NR3C2: variants seen among roughly 807,000 people sequenced by gnomAD.
NR3C2 encodes mineralocorticoid receptor.
Under a neutral mutation model 86.4 loss-of-function variants are expected in NR3C2, and 15 were observed. That is an observed-to-expected ratio of 0.17 (90% CI 0.12 to 0.27). The LOEUF is 0.27. Among genes scored for constraint, NR3C2 ranks in the 10% least tolerant of loss-of-function variants. The probability of loss-of-function intolerance (pLI) is 1.00; values close to 1 mark genes in which losing one functional copy is unlikely to be tolerated. For missense variants in NR3C2, 960 were observed against 1,195.6 expected (o/e 0.80, Z 2.91); for synonymous variants, 458 against 450.5 (o/e 1.02, Z -0.21).
chr4:148,130,823 T>TGTTTTGTTTTGTTTTG (rs201153191), intron 6 of NR3C2, among the ~76,000 whole-genome samples: 1 of 93,570 alleles, frequency 1.1e-5, no homozygotes, highest in Non-Finnish European at 2.4e-5. Context: ...TGTTTTGTTT[T>TGTTTTGTTTTGTTTTG]TTTTTTTTTT....
intron 3 of NR3C2, chr4:148,207,972 C>T (rs976901154): frequency 6.6e-6 from 1 of 152,134 alleles, no homozygotes; most frequent in Non-Finnish European, 1.5e-5. Context: ...TCTTATTATA[C>T]TACACTTACC....
chr4:148,358,137 C>T (rs1745639860), intron 2 of NR3C2, among the ~76,000 whole-genome samples: 1 of 152,076 alleles, frequency 6.6e-6, no homozygotes, highest in African/African-American at 2.4e-5. Flanking sequence ...ACCCAAAGGA[C>T]TATAAATTAT....
chr4:148,103,275 A>G (rs1731625103), intron 8 of NR3C2, among the ~76,000 whole-genome samples: 1 of 152,034 alleles, frequency 6.6e-6, no homozygotes, highest in Admixed American at 6.5e-5. Flanking sequence ...TTTTCAATCC[A>G]GTTTAGGTGT....
chr4:148,092,197 C>A (rs943120354), intron 8 of NR3C2, among the ~76,000 whole-genome samples: 25 of 152,332 alleles, frequency 1.6e-4, no homozygotes, highest in African/African-American at 5.8e-4. Context: ...TCCTGGGGCC[C>A]AGCCTGAAGG....
chr4:148,266,630 C>A (rs929530369), intron 2 of NR3C2, among the ~76,000 whole-genome samples: 7 of 152,190 alleles, frequency 4.6e-5, no homozygotes, highest in African/African-American at 1.7e-4. Context: ...TATTGTCCTG[C>A]ATGCCATCAG....
intron 2 of NR3C2, among the ~76,000 whole-genome samples, chr4:148,265,701 T>C (rs1449532427): frequency 2.0e-5 from 3 of 152,246 alleles, no homozygotes; most frequent in Non-Finnish European, 4.4e-5. Flanking sequence ...TTTTTCCATA[T>C]GTAATCAATT....
intron 3 of NR3C2, among the ~76,000 whole-genome samples, chr4:148,242,602 C>T (rs1385722130): frequency 6.6e-6 from 1 of 152,156 alleles, no homozygotes; most frequent in Non-Finnish European, 1.5e-5. Context: ...ATATAATTCC[C>T]TGCTATGCTT....
intron 2 of NR3C2, among the ~76,000 whole-genome samples, chr4:148,411,691 T>C (rs940643084): frequency 2.0e-5 from 3 of 152,226 alleles, no homozygotes; most frequent in African/African-American, 7.2e-5. Flanking sequence ...ACTCACATCA[T>C]CTTCAGACAA....
chr4:148,102,975 C>T (rs887527332), intron 8 of NR3C2, among the ~76,000 whole-genome samples: 7 of 152,176 alleles, frequency 4.6e-5, no homozygotes, highest in Admixed American at 2.0e-4. Context: ...TTACGGATTC[C>T]ATCACTGTCT....
chr4:148,222,175 T>C (rs898979970), intron 3 of NR3C2, among the ~76,000 whole-genome samples: 14 of 152,198 alleles, frequency 9.2e-5, no homozygotes, highest in Non-Finnish European at 1.9e-4. Context: ...CAACATTGTA[T>C]TGCCTTGAAA....
chr4:148,382,377 C>T (rs1313065773), intron 2 of NR3C2, among the ~76,000 whole-genome samples: 1 of 152,140 alleles, frequency 6.6e-6, no homozygotes, highest in African/African-American at 2.4e-5. Flanking sequence ...ATTAATCAAG[C>T]ACTTACTATG....
At chr4:148,273,182 G>A (rs1740777420) in intron 2 of NR3C2, among the ~76,000 whole-genome samples, 2 of 152,112 alleles carry the variant, frequency 1.3e-5, no homozygotes, top group Non-Finnish European at 2.9e-5. Flanking sequence ...CAATGCCACT[G>A]GAACATGAAA....
chr4:148,379,922 T>A (rs1746878798), intron 2 of NR3C2, among the ~76,000 whole-genome samples: 1 of 152,122 alleles, frequency 6.6e-6, no homozygotes. Context: ...AAACTAAAAT[T>A]AAGGATTATA....
chr4:148,272,698 G>A (rs1178187616), intron 2 of NR3C2, among the ~76,000 whole-genome samples: 2 of 152,074 alleles, frequency 1.3e-5, no homozygotes, highest in Non-Finnish European at 1.5e-5. Context: ...ACTCTTAAAA[G>A]CAATTACGGA....
chr4:148,081,642 C>T, intron 8 of NR3C2, 143 bp from the exon 9 acceptor site: 1 of 1,137,602 alleles, frequency 8.8e-7, no homozygotes, highest in Non-Finnish European at 1.3e-6. Context: ...TGAGCAGAGT[C>T]ATCTGTCCTG....
intron 2 of NR3C2, among the ~76,000 whole-genome samples, chr4:148,389,150 CCT>C (rs1485503367): frequency 6.6e-6 from 1 of 152,176 alleles, no homozygotes; most frequent in Non-Finnish European, 1.5e-5. Context: ...TAAAGGAAAG[CCT>C]CTCTCAGCTA....
chr4:148,121,483 T>G (rs1018911512), intron 6 of NR3C2, among the ~76,000 whole-genome samples: 1 of 152,192 alleles, frequency 6.6e-6, no homozygotes, highest in African/African-American at 2.4e-5. Flanking sequence ...CATCCAGAAT[T>G]AACAGTATAA....
intron 4 of NR3C2, among the ~76,000 whole-genome samples, chr4:148,173,744 G>A (rs1735241338): frequency 6.6e-6 from 1 of 152,234 alleles, no homozygotes; most frequent in Non-Finnish European, 1.5e-5. Context: ...GTCCTCCTAT[G>A]TGTCTGGCAC....
upstream of NR3C2, chr4:148,444,873 A>C: frequency 1.0e-6 from 1 of 984,828 alleles, no homozygotes; most frequent in Non-Finnish European, 1.2e-6. Flanking sequence ...GAAGTCCGGC[A>C]GGAGGATCCC....
Sources: gnomAD v4.1 joint callset for allele counts (sites outside exome capture counted in the v4.1 genomes callset) on GRCh38, gnomAD v4.1.1 for gene constraint, MANE v1.5 for transcripts, NCBI Gene and HGNC (gene_info 2026-07-23, HGNC 2026-07-21) for gene names.